The following USP22 variants were observed in gnomAD, a reference collection of about 807,000 sequenced individuals.
The protein encoded by USP22 is ubiquitin specific peptidase 22, also known as ubiquitin carboxyl-terminal hydrolase 22.
A neutral mutation model predicts 68.1 loss-of-function variants in USP22; 22 were observed. The observed-to-expected ratio is 0.32, with a 90% confidence interval of 0.23 to 0.46. The LOEUF is 0.46. Ranked by LOEUF, USP22 falls within the 20% of genes least tolerant of loss-of-function variation. The probability of loss-of-function intolerance (pLI) is 1.00; values close to 1 mark genes in which losing one functional copy is unlikely to be tolerated. For synonymous variants in USP22, 279 were observed against 274.2 expected, an observed-to-expected ratio of 1.02 and a Z score of -0.17; for missense variants, 433 against 695.8, an observed-to-expected ratio of 0.62 and a Z score of 4.25.
At chr17:21,042,582 G>T in intron 1 of USP22, 83 bp downstream of exon 1, 1 of 1,229,378 alleles carries the variant, frequency 8.1e-7, no homozygotes, top group Non-Finnish European at 1.0e-6. Context: ...AGGGAAGAGG[G>T]CAGGAAAAGG....
intron 3 of USP22, among the ~76,000 whole-genome samples, chr17:21,020,448 T>C (rs763969862): frequency 1.3e-4 from 19 of 151,772 alleles, no homozygotes; most frequent in Non-Finnish European, 2.2e-4. Flanking sequence ...GGCAAGGATC[T>C]GACTGTGCAG....
intron 1 of USP22, among the ~76,000 whole-genome samples, chr17:21,038,977 G>C (rs540948804): frequency 4.5e-4 from 68 of 151,644 alleles, no homozygotes; most frequent in Middle Eastern, 3.4e-3. Flanking sequence ...TTTTTGAGAC[G>C]GTCTCGCTCT....
intron 1 of USP22, among the ~76,000 whole-genome samples, chr17:21,030,931 G>A (rs7212424): frequency 6.6e-6 from 1 of 152,128 alleles, no homozygotes; most frequent in Non-Finnish European, 1.5e-5. Flanking sequence ...ACTGTATTGC[G>A]CTTATGTAGG....
chr17:21,007,651 A>G (rs1913821102), intron 9 of USP22, among the ~76,000 whole-genome samples: 2 of 152,192 alleles, frequency 1.3e-5, no homozygotes, highest in Middle Eastern at 3.2e-3. Context: ...CTCACATTCT[A>G]CTTTCACTGC....
chr17:21,005,046 C>T (rs74420337), intron 10 of USP22, 56 bp from the exon 11 acceptor site: 1 of 1,596,380 alleles, frequency 6.3e-7, no homozygotes, highest in Admixed American at 1.7e-5. Context: ...CCCAGAGACA[C>T]AAGGCTCTCG....
At position 21,004,822 on chromosome 17, in the gene USP22, A is replaced by G; in HGVS notation, c.1385+106T>C. 2 of 1,255,822 alleles carry G rather than the reference A, an allele frequency of 1.6e-6. 1 individual carries two copies. The highest frequency in any genetic ancestry group is 2.8e-5 in the South Asian group (2 of 71,724). 77.8% of individuals were successfully genotyped at this position (1,255,822 alleles called of 1,614,324 possible). On this transcript the variant is annotated intron_variant, in intron 11 of 12. Coordinates refer to ENST00000261497, the MANE Select transcript of USP22 (RefSeq NM_015276.2). ...AGCTGCGGGCAGCCAAGCGGGAAGCAGGTCAGTGGCGGGGGATCCGCTGGG... is the reference window on the plus strand; with the variant it reads ...AGCTGCGGGCAGCCAAGCGGGAAGCGGGTCAGTGGCGGGGGATCCGCTGGG...
intron 2 of USP22, among the ~76,000 whole-genome samples, chr17:21,023,060 G>C (rs1301484049): frequency 6.6e-6 from 1 of 152,142 alleles, no homozygotes; most frequent in East Asian, 1.9e-4. Flanking sequence ...ATTATCCTTA[G>C]AAAACTAACA....
intron 1 of USP22, among the ~76,000 whole-genome samples, chr17:21,032,878 G>A (rs567882006): frequency 3.9e-5 from 5 of 126,646 alleles, no homozygotes; most frequent in Non-Finnish European, 6.1e-5. Context: ...AGCCAAGATC[G>A]CACCACTGCC....
chr17:21,004,171 T>C (rs762379549), intron 12 of USP22, 31 bp downstream of exon 12: 33 of 1,609,734 alleles, frequency 2.1e-5, no homozygotes, highest in Non-Finnish European at 2.8e-5. Context: ...GTAGCCACCG[T>C]AGGGCCTTCC....
Position 21,032,922 on chromosome 17 carries a change from CAAAAAAAAAAAA to C in USP22, c.172-4260_172-4249del, listed in dbSNP as rs753804890. ...TGAGCAACAGAACCAGACCCTGTCTCAAAAAAAAAAAAAAAAAAAAAAAAAAAAAAAGTTGAA... is the reference window on the plus strand; with the variant it reads ...TGAGCAACAGAACCAGACCCTGTCTCAAAAAAAAAAAAAAAAAAAGTTGAA... On this transcript the variant is annotated intron_variant, in intron 1 of 12. Transcript: ENST00000261497. Among the ~76,000 whole-genome samples, 143 of 91,574 alleles carry C rather than the reference CAAAAAAAAAAAA, an allele frequency of 1.6e-3. 1 individual carries two copies. The highest frequency in any genetic ancestry group is 6.1e-3 in the African/African-American group (106 of 17,366). 60.1% of individuals were successfully genotyped at this position (91,574 alleles called of 152,430 possible). A position where few individuals can be genotyped will look rare whatever the true frequency, so the allele number is the denominator to read the frequency against.
rs547657995 is a variant in USP22 at position 21,001,752 on chromosome 17, T to A, written c.*1279A>T. ...ATAAACTGTATTTCAGTACTTTTCC[T>A]CCCCCTTGTCCCTAGTTTCTAATTT... is the stretch of plus-strand genomic sequence containing the variant. On this transcript the variant is annotated 3_prime_UTR_variant, in exon 13 of 13. Coordinates refer to ENST00000261497, the MANE Select transcript of USP22 (RefSeq NM_015276.2). The A allele has an allele frequency of 6.6e-6, 1 of 152,148 alleles. No individual in the cohort carries two copies. The highest frequency in any genetic ancestry group is 2.4e-5 in the African/African-American group (1 of 41,490). 9.4% of individuals were successfully genotyped at this position (152,148 alleles called of 1,614,324 possible). A position where few individuals can be genotyped will look rare whatever the true frequency, so the allele number is the denominator to read the frequency against.
intron 3 of USP22, 23 bp downstream of exon 3, chr17:21,021,090 G>C: frequency 2.5e-6 from 4 of 1,581,190 alleles, no homozygotes; most frequent in Non-Finnish European, 3.5e-6. Flanking sequence ...GGATCAAGCA[G>C]GTAAACTGAG....
chr17:21,033,908 T>C (rs1028269678), intron 1 of USP22, among the ~76,000 whole-genome samples: 8 of 151,930 alleles, frequency 5.3e-5, no homozygotes, highest in African/African-American at 1.9e-4. Context: ...GCCACCATGC[T>C]CGGCTAACTT....
At chr17:21,032,570 G>C (rs556233609) in intron 1 of USP22, among the ~76,000 whole-genome samples, 146 of 152,166 alleles carry the variant, frequency 9.6e-4, no homozygotes, top group Non-Finnish European at 1.6e-3. Flanking sequence ...GTTTGTGGTG[G>C]TTTGTTACAG....
chr17:21,020,920 G>A (rs1403088959), intron 3 of USP22, among the ~76,000 whole-genome samples, 193 bp downstream of exon 3: 2 of 152,154 alleles, frequency 1.3e-5, no homozygotes, highest in Non-Finnish European at 2.9e-5. Context: ...TGCATGCCTC[G>A]ACACTAGCCA....
chr17:21,030,392 ATGT>A (rs1446116628), intron 1 of USP22, among the ~76,000 whole-genome samples: 30 of 151,918 alleles, frequency 2.0e-4, no homozygotes, highest in Non-Finnish European at 3.8e-4. Flanking sequence ...GTGTGTATGT[ATGT>A]ATGTATGTAT....
At chr17:21,012,137 A>G (rs1444900070) in intron 7 of USP22, among the ~76,000 whole-genome samples, 1 of 152,112 alleles carries the variant, frequency 6.6e-6, no homozygotes, top group East Asian at 1.9e-4. Flanking sequence ...GAAGTAAAGA[A>G]CAGAGCCAGG....
intron 2 of USP22, among the ~76,000 whole-genome samples, chr17:21,024,962 G>A (rs1481590407): frequency 6.6e-6 from 1 of 152,128 alleles, no homozygotes; most frequent in Non-Finnish European, 1.5e-5. Flanking sequence ...GAGGGAGATA[G>A]TGTCTTGAAA....
chr17:21,032,783 G>A (rs571675805), intron 1 of USP22, among the ~76,000 whole-genome samples: 35 of 151,804 alleles, frequency 2.3e-4, no homozygotes, highest in Middle Eastern at 3.2e-3. Flanking sequence ...TACAAAAAAT[G>A]CAAAAATTAG....
Sources: allele counts gnomAD v4.1 joint callset (sites outside exome capture counted in the v4.1 genomes callset), GRCh38; gene constraint gnomAD v4.1.1; transcripts MANE v1.5; gene names NCBI Gene and HGNC (gene_info 2026-07-23, HGNC 2026-07-21).